Variants in LPA observed in about 807,000 individuals in gnomAD.
LPA encodes the protein apolipoprotein(a).
A neutral mutation model predicts 197.9 loss-of-function variants in LPA; 199 were observed. The ratio of observed to expected loss-of-function variants is 1.01; its 90% CI spans 0.90 to 1.13. The LOEUF is 1.13. LPA is among the 50% of genes most tolerant of loss of function. The probability of loss-of-function intolerance (pLI) is 0.00; values close to 1 mark genes in which losing one functional copy is unlikely to be tolerated. For synonymous variants in LPA, 715 were observed against 639.5 expected, an observed-to-expected ratio of 1.12 and a Z score of -1.78; for missense variants, 1,853 against 1,785.8, an observed-to-expected ratio of 1.04 and a Z score of -0.68.
chr6:160,587,165 A>C (rs1163518925), intron 24 of LPA, among the ~76,000 whole-genome samples: 1 of 152,224 alleles, frequency 6.6e-6, no homozygotes, highest in East Asian at 1.9e-4. Context: ...TCACACCTGG[A>C]GGATGCTATA....
intron 25 of LPA, 66 bp from the exon 26 acceptor site, chr6:160,585,271 A>T (rs1037340620): frequency 1.3e-5 from 19 of 1,486,124 alleles, no homozygotes; most frequent in East Asian, 4.5e-5. Context: ...AAAAATTATG[A>T]CACACAAAGT....
intron 22 of LPA, among the ~76,000 whole-genome samples, chr6:160,591,325 C>A (rs1023729311): frequency 6.6e-6 from 1 of 152,176 alleles, no homozygotes; most frequent in African/African-American, 2.4e-5. Context: ...CGTCTATACT[C>A]CATAAGAAAA....
At chr6:160,607,812 T>C (rs1269399145) in intron 16 of LPA, among the ~76,000 whole-genome samples, 2 of 152,172 alleles carry the variant, frequency 1.3e-5, no homozygotes, top group Non-Finnish European at 2.9e-5. Flanking sequence ...CAAATTTCTT[T>C]CTTCCTTGGC....
At position 160,548,640 on chromosome 6, in the gene LPA, A is replaced by G; in HGVS notation, c.4993T>C (p.Cys1665Arg). ...YPNDGLTMNY[C>R]RNPDADTGPW... ...CCTGTATCGGCATCTGGATTCCTGC[A>G]GTAGTTCATTGTCAGGCCACTGGAA... The change falls in exon 31 of 39, where the codon TGC becomes CGC. Residue 1665 changes from cysteine (C) to arginine (R), a missense_variant. Cys to Arg is a radical substitution (Grantham distance 180, BLOSUM62 -3). Around this residue, in one of 3 missense-constraint regions of LPA, gnomAD observed 1,737 missense variants for 1,504.4 expected, o/e 1.15. Coordinates refer to ENST00000316300, the MANE Select transcript of LPA (RefSeq NM_005577.4). 1 of 1,614,104 alleles carries G rather than the reference A, an allele frequency of 6.2e-7. No individual in the cohort carries two copies. Among genetic ancestry groups the G allele is most frequent in the Middle Eastern group, 1.7e-4 (1 of 6,058 alleles).
At chr6:160,598,937 A>T (rs946183320) in intron 20 of LPA, among the ~76,000 whole-genome samples, 1 of 152,208 alleles carries the variant, frequency 6.6e-6, no homozygotes, top group Non-Finnish European at 1.5e-5. Context: ...TTGTAGAAGG[A>T]TACTCTAACT....
intron 2 of LPA, among the ~76,000 whole-genome samples, chr6:160,647,126 T>C (rs930518818): frequency 4.6e-5 from 7 of 152,338 alleles, no homozygotes; most frequent in South Asian, 4.2e-4. Context: ...TCTCCTGCTC[T>C]CAGTCTATCC....
chr6:160,585,258 G>GA (rs1778888073), intron 25 of LPA, 53 bp from the exon 26 acceptor site: 42 of 1,581,884 alleles, frequency 2.7e-5, no homozygotes, highest in Non-Finnish European at 3.6e-5. Context: ...AGGGAAATGT[G>GA]AAAAAAATTA....
intron 22 of LPA, 138 bp downstream of exon 22, chr6:160,593,820 G>T (rs888214116): frequency 2.7e-6 from 3 of 1,095,198 alleles, no homozygotes; most frequent in African/African-American, 1.5e-5. Context: ...TGTGCCTGAA[G>T]AAAGAAGCCT....
At chr6:160,563,026 A>T (rs577725750) in intron 28 of LPA, among the ~76,000 whole-genome samples, 1 of 152,034 alleles carries the variant, frequency 6.6e-6, no homozygotes, top group South Asian at 2.1e-4. Context: ...CAGCTCTTGG[A>T]TTTATTAATT....
chr6:160,651,176 T>C (rs1018847608), intron 1 of LPA, among the ~76,000 whole-genome samples: 5 of 152,184 alleles, frequency 3.3e-5, no homozygotes, highest in Non-Finnish European at 7.3e-5. Flanking sequence ...ATGCATTCCC[T>C]TCAAAGCCCT....
chr6:160,599,458 C>A (rs902824246), intron 20 of LPA, 42 bp downstream of exon 20: 2 of 1,611,188 alleles, frequency 1.2e-6, no homozygotes. Flanking sequence ...CAGAAACTTC[C>A]ATTGGCCCTT....
rs757801121 is a variant in LPA at position 160,540,035 on chromosome 6, G to A, written c.5735+8C>T. Reference sequence around the variant, plus strand: ...AGCGTGGGGTGAAGACCACAGGTGAGCGAGTACCTGCTTAGCTTTAGCAAG... The same window carrying A: ...AGCGTGGGGTGAAGACCACAGGTGAACGAGTACCTGCTTAGCTTTAGCAAG... On this transcript the variant is annotated splice_region_variant and intron_variant, in intron 36 of 38. Coordinates refer to ENST00000316300, the MANE Select transcript of LPA (RefSeq NM_005577.4). 2 of 1,614,120 alleles carry A rather than the reference G, an allele frequency of 1.2e-6. No homozygotes were observed. Among genetic ancestry groups the A allele is most frequent in the East Asian group, 4.5e-5 (2 of 44,864 alleles).
chr6:160,584,237 T>TTCTTCCTCCTCCTCC, intron 26 of LPA, among the ~76,000 whole-genome samples: 1 of 69,472 alleles, frequency 1.4e-5, no homozygotes, highest in East Asian at 5.8e-4. Flanking sequence ...CTTCTTCTTC[T>TTCTTCCTCCTCCTCC]TCCTCCTCCT....
At position 160,577,280 on chromosome 6, in the gene LPA, C is replaced by T. The variant is rs201290459; in HGVS notation, c.4487G>A (p.Ser1496Asn). 1.5e-5 allele frequency: 24 copies of T among 1,613,554 alleles called. No individual in the cohort carries two copies. The highest frequency in any genetic ancestry group is 9.9e-5 in the South Asian group (9 of 91,066). Residue 1496 changes from serine (S) to asparagine (N), a missense_variant, in exon 28 of 39, where the codon AGC (serine) becomes AAC (asparagine). Around this residue, in one of 3 missense-constraint regions of LPA, gnomAD observed 1,737 missense variants for 1,504.4 expected, o/e 1.15. Coordinates refer to ENST00000316300, the MANE Select transcript of LPA (RefSeq NM_005577.4). ...ATGGTAGCAATCCTGGACCACAGGG[C>T]TTTTCTCAGGTGGTGCTGAAATTAA... ...APSEQAPPEK[S>N]PVVQDCYHGD... is the part of the protein sequence containing the mutation.
chr6:160,609,676 C>T (rs542388467), intron 16 of LPA, among the ~76,000 whole-genome samples: 1 of 152,000 alleles, frequency 6.6e-6, no homozygotes. Flanking sequence ...ACTTGCTTCC[C>T]ACATGCAGGA....
intron 1 of LPA, among the ~76,000 whole-genome samples, chr6:160,659,528 A>G (rs1290095371): frequency 1.3e-5 from 2 of 152,248 alleles, no homozygotes; most frequent in African/African-American, 4.8e-5. Flanking sequence ...CTCACAAGAA[A>G]GAGAAACTGG....
intron 26 of LPA, among the ~76,000 whole-genome samples, chr6:160,579,058 A>AT (rs1391074829): frequency 6.6e-6 from 1 of 152,088 alleles, no homozygotes; most frequent in Non-Finnish European, 1.5e-5. Context: ...TGTATCTTAG[A>AT]TTTTTTAATG....
At position 160,594,057 on chromosome 6, in the gene LPA, C is replaced by T. The variant is rs758209955; in HGVS notation, c.3530G>A (p.Arg1177Gln). Residue 1177 changes from arginine to glutamine, a missense_variant, in exon 22 of 39, where the codon CGA becomes CAA. Coordinates refer to ENST00000316300, the MANE Select transcript of LPA (RefSeq NM_005577.4). ...TGTGACAGTGGTAGAGAATGAGCCT[C>T]GATAACTCTGTCCATCACCATGGTA... is the stretch of plus-strand genomic sequence containing the variant. ...DCYHGDGQSY[R>Q]GSFSTTVTGR... 27 of 1,613,844 alleles carry T rather than the reference C, an allele frequency of 1.7e-5. No homozygotes were observed. The East Asian group carries it at 2.9e-4, about 17-fold the overall frequency.
At chr6:160,569,401 C>G (rs892109733) in intron 28 of LPA, among the ~76,000 whole-genome samples, 3 of 151,882 alleles carry the variant, frequency 2.0e-5, no homozygotes, top group Admixed American at 1.3e-4. Flanking sequence ...CTATTTAATA[C>G]ATGGTGCTGG....
Sources: allele counts gnomAD v4.1 joint callset (sites outside exome capture counted in the v4.1 genomes callset), GRCh38; gene constraint gnomAD v4.1.1; regional missense constraint gnomAD v4.1.1; transcripts MANE v1.5; gene names NCBI Gene and HGNC (gene_info 2026-07-23, HGNC 2026-07-21).